Variants in SGCZ observed in about 807,000 individuals in gnomAD.
The protein encoded by SGCZ is zeta-sarcoglycan.
A neutral mutation model predicts 41.3 loss-of-function variants in SGCZ; 40 were observed. The observed-to-expected ratio is 0.97, with a 90% CI of 0.75 to 1.26. The LOEUF (loss-of-function observed/expected upper bound fraction) is 1.26, where lower values mean the gene tolerates loss of function less well. SGCZ is among the 50% of genes most tolerant of loss of function. SGCZ has a pLI of 0.00. For synonymous variants in SGCZ, 206 were observed against 137.5 expected, an observed-to-expected ratio of 1.50 and a Z score of -3.49; for missense variants, 552 against 369.8, an observed-to-expected ratio of 1.49 and a Z score of -4.04.
chr8:14,342,708 G>A (rs950524558), intron 2 of SGCZ, among the ~76,000 whole-genome samples: 8 of 152,126 alleles, frequency 5.3e-5, no homozygotes, highest in Admixed American at 1.3e-4. Flanking sequence ...GAGCATAAAG[G>A]CTTGGAAATT....
At chr8:14,831,150 T>C (rs145448028) in intron 1 of SGCZ, among the ~76,000 whole-genome samples, 1 of 152,140 alleles carries the variant, frequency 6.6e-6, no homozygotes, top group South Asian at 2.1e-4. Context: ...ATGTCCATGA[T>C]GGAAACTATG....
In SGCZ at chr8:15,052,065, G is replaced by C. The variant is rs367910966; in HGVS notation, c.39+185520C>G. 1.1e-4 allele frequency among the ~76,000 whole-genome samples: 16 copies of C among 152,286 alleles called. No homozygotes were observed. The South Asian group carries it at 1.9e-3, about 18-fold the overall frequency. ...AAGAATCAATCTGAGCCGTAATTTA[G>C]ACTGTTCAACGTTGAGAAAAGCATG... On this transcript the variant is annotated intron_variant, in intron 1 of 7. Transcript: ENST00000382080.
chr8:14,248,980 G>A (rs755440228), intron 3 of SGCZ, among the ~76,000 whole-genome samples: 1 of 152,118 alleles, frequency 6.6e-6, no homozygotes, highest in African/African-American at 2.4e-5. Flanking sequence ...ACTCAAATAA[G>A]TACAACACAG....
chr8:14,099,599 C>T (rs933397711), intron 7 of SGCZ, among the ~76,000 whole-genome samples: 3 of 152,058 alleles, frequency 2.0e-5, no homozygotes, highest in African/African-American at 4.8e-5. Flanking sequence ...GTGGCAGGTG[C>T]CTGTAATCCC....
chr8:15,111,640 G>A lies in SGCZ; in HGVS notation c.39+125945C>T, dbSNP rs536996864. Among the ~76,000 whole-genome samples, 669 of 152,268 alleles carry A rather than the reference G, an allele frequency of 4.4e-3. 4 individuals are homozygous for A. Among genetic ancestry groups the A allele is most frequent in the African/African-American group, 0.015 (644 of 41,552 alleles). On this transcript the variant is annotated intron_variant, in intron 1 of 7. Coordinates refer to ENST00000382080, the MANE Select transcript of SGCZ (RefSeq NM_139167.4). ...ATTTCGGCCGGGTGTGGTGGTTCAC[G>A]CCTGTAATCGCAGCACTTTGGGAGG...
chr8:14,871,445 C>T (rs1377631670), intron 1 of SGCZ, among the ~76,000 whole-genome samples: 3 of 152,062 alleles, frequency 2.0e-5, no homozygotes, highest in Non-Finnish European at 4.4e-5. Context: ...CATATGTTTA[C>T]TGCAGCACTA....
intron 2 of SGCZ, among the ~76,000 whole-genome samples, chr8:14,412,026 CACA>C (rs1799374223): frequency 6.6e-6 from 1 of 152,052 alleles, no homozygotes; most frequent in South Asian, 2.1e-4. Flanking sequence ...CTTCTTTGTT[CACA>C]ACAATATGAC....
At chr8:14,862,553 T>C (rs1181608955) in intron 1 of SGCZ, among the ~76,000 whole-genome samples, 4 of 133,376 alleles carry the variant, frequency 3.0e-5, no homozygotes, top group South Asian at 2.3e-4. Context: ...TATATATATA[T>C]ATATATATAT....
intron 1 of SGCZ, among the ~76,000 whole-genome samples, chr8:14,629,564 A>T (rs1054665675): frequency 6.6e-6 from 1 of 152,098 alleles, no homozygotes; most frequent in African/African-American, 2.4e-5. Context: ...GAGGCTTGCC[A>T]TCCACTGTCC....
intron 1 of SGCZ, among the ~76,000 whole-genome samples, chr8:14,624,555 A>ATTATTATTTTTTTTTTTT (rs1438250019): frequency 2.1e-5 from 2 of 96,264 alleles, no homozygotes; most frequent in Non-Finnish European, 4.0e-5. Flanking sequence ...TATTATTATT[A>ATTATTATTTTTTTTTTTT]TTTTTTTTTT....
chr8:14,266,714 G>A (rs1029872607), intron 3 of SGCZ, among the ~76,000 whole-genome samples: 4 of 152,124 alleles, frequency 2.6e-5, no homozygotes, highest in African/African-American at 9.7e-5. Flanking sequence ...AGGAGTCACT[G>A]AGACACTTCC....
At chr8:14,919,530 G>C (rs1381975493) in intron 1 of SGCZ, among the ~76,000 whole-genome samples, 25 of 152,132 alleles carry the variant, frequency 1.6e-4, no homozygotes, top group Admixed American at 1.6e-3. Context: ...CACATAAGTA[G>C]AGTCACATAA....
intron 1 of SGCZ, among the ~76,000 whole-genome samples, chr8:15,202,541 G>C (rs991951304): frequency 6.6e-6 from 1 of 151,748 alleles, no homozygotes; most frequent in Non-Finnish European, 1.5e-5. Context: ...CTACACATTG[G>C]GTACAATGTA....
In SGCZ at chr8:14,237,500, AACAACAACG is replaced by A. The variant is rs1585263737; in HGVS notation, c.424+83_424+91del. On this transcript the variant is annotated intron_variant, in intron 4 of 7. Coordinates refer to ENST00000382080, the MANE Select transcript of SGCZ (RefSeq NM_139167.4). Reference sequence around the variant, plus strand: ...TCTGTCTCAAAACAACAACAACAACAACAACAACGACAACAACAAGAACCAAAAACCAAA... The same window carrying A: ...TCTGTCTCAAAACAACAACAACAACAACAACAACAAGAACCAAAAACCAAA... The A allele has an allele frequency of 9.5e-6, 11 of 1,157,698 alleles. No homozygotes were observed. The East Asian group carries it at 2.8e-4, about 30-fold the overall frequency. The allele number at this position is 1,157,698 out of a possible 1,614,324, so 71.7% of individuals were successfully genotyped here.
rs1246200369 is a variant in SGCZ at position 14,488,567 on chromosome 8, G to A, written c.234+66165C>T. Among the ~76,000 whole-genome samples the A allele has an allele frequency of 1.3e-5, 2 of 152,088 alleles. 1 individual carries two copies. Among genetic ancestry groups the A allele is most frequent in the South Asian group, 4.2e-4 (2 of 4,810 alleles). ...CATGGAAATGCCTCTCAAGGATCTC[G>A]GAGCTAACCCATTGAAATGTAATCA... On this transcript the variant is annotated intron_variant, in intron 2 of 7. Transcript: ENST00000382080.
At chr8:14,416,475 G>T (rs1279271587) in intron 2 of SGCZ, among the ~76,000 whole-genome samples, 2 of 151,854 alleles carry the variant, frequency 1.3e-5, no homozygotes, top group African/African-American at 4.8e-5. Context: ...ACCCATGAAA[G>T]CTGCCTTCAT....
intron 2 of SGCZ, among the ~76,000 whole-genome samples, chr8:14,504,841 A>G (rs2117060236): frequency 6.6e-6 from 1 of 152,266 alleles, no homozygotes; most frequent in African/African-American, 2.4e-5. Context: ...TTGAACCATT[A>G]TATTTAAAAA....
chr8:14,580,720 G>C (rs1286741669), intron 1 of SGCZ, among the ~76,000 whole-genome samples: 1 of 152,164 alleles, frequency 6.6e-6, no homozygotes, highest in East Asian at 1.9e-4. Context: ...GCTCATTCAT[G>C]TACAAAGAAA....
chr8:14,576,665 T>C (rs2117245401), intron 1 of SGCZ, among the ~76,000 whole-genome samples: 1 of 152,308 alleles, frequency 6.6e-6, no homozygotes, highest in East Asian at 1.9e-4. Flanking sequence ...CACTTGCTCT[T>C]TAGAATCTTT....
Sources: gnomAD v4.1 joint callset for allele counts (sites outside exome capture counted in the v4.1 genomes callset) on GRCh38, gnomAD v4.1.1 for gene constraint, MANE v1.5 for transcripts, NCBI Gene and HGNC (gene_info 2026-07-23, HGNC 2026-07-21) for gene names.